VPS13A: variants seen among roughly 807,000 people sequenced by gnomAD.
VPS13A encodes intermembrane lipid transfer protein VPS13A.
VPS13A carries 264 observed loss-of-function variants against 390.9 expected under a neutral mutation model. That is an observed-to-expected ratio of 0.68 (90% CI 0.61 to 0.75). The LOEUF (loss-of-function observed/expected upper bound fraction) is 0.75, where lower values mean the gene tolerates loss of function less well. Ranked by LOEUF, VPS13A falls within the 30% of genes least tolerant of loss-of-function variation. VPS13A has a pLI of 0.00. For synonymous variants in VPS13A, 1,231 were observed against 1,227.1 expected, an observed-to-expected ratio of 1.00 and a Z score of -0.07; for missense variants, 3,409 against 3,733.9, an observed-to-expected ratio of 0.91 and a Z score of 2.27.
intron 71 of VPS13A, among the ~76,000 whole-genome samples, chr9:77,408,169 T>G (rs1381004554): frequency 6.6e-6 from 1 of 152,222 alleles, no homozygotes. Flanking sequence ...ACTTTAGGGA[T>G]TATGGCAATC....
At chr9:77,290,015 C>T (rs779991503) in intron 31 of VPS13A, among the ~76,000 whole-genome samples, 6 of 152,146 alleles carry the variant, frequency 3.9e-5, no homozygotes, top group Admixed American at 1.3e-4. Flanking sequence ...TCTTTGACCT[C>T]AGGTGATTCA....
At chr9:77,184,146 A>T (rs1005477894) in intron 1 of VPS13A, among the ~76,000 whole-genome samples, 2 of 152,176 alleles carry the variant, frequency 1.3e-5, no homozygotes, top group Non-Finnish European at 2.9e-5. Flanking sequence ...ATACATACAC[A>T]CATGTAACTC....
At chr9:77,382,393 C>T in intron 68 of VPS13A, 1 of 1,456,518 alleles carries the variant, frequency 6.9e-7, no homozygotes, top group South Asian at 1.5e-5. Context: ...ATTTTGAATA[C>T]AAAGAAAACC....
intron 5 of VPS13A, 139 bp downstream of exon 5, chr9:77,206,218 T>C: frequency 1.4e-6 from 1 of 700,556 alleles, no homozygotes; most frequent in Non-Finnish European, 2.4e-6. Flanking sequence ...ATGGGGAATT[T>C]TAATGTGGTT....
intron 54 of VPS13A, among the ~76,000 whole-genome samples, chr9:77,354,145 AAC>A (rs575597535): frequency 1.0e-3 from 158 of 152,178 alleles, no homozygotes; most frequent in African/African-American, 3.8e-3. Flanking sequence ...CCTATTCATA[AAC>A]AGTTGTTTTA....
intron 23 of VPS13A, among the ~76,000 whole-genome samples, chr9:77,266,897 T>G (rs1457288252): frequency 6.6e-6 from 1 of 152,106 alleles, no homozygotes; most frequent in East Asian, 1.9e-4. Flanking sequence ...TCTTCATGCT[T>G]TATTTCACTA....
At position 77,186,777 on chromosome 9, in the gene VPS13A, C is replaced by T. The variant is rs541390831; in HGVS notation, c.100+8973C>T. Among the ~76,000 whole-genome samples, 3 of 152,234 alleles carry T rather than the reference C, an allele frequency of 2.0e-5. No individual in the cohort carries two copies. The East Asian group carries it at 5.8e-4, about 29-fold the overall frequency. On this transcript the variant is annotated intron_variant, in intron 1 of 71. Coordinates refer to ENST00000360280, the MANE Select transcript of VPS13A (RefSeq NM_033305.3). ...AGTGTACACTTCATGTCATTAAGTA[C>T]ACTTACATTGTGCAACCATCACCAC...
intron 35 of VPS13A, 117 bp downstream of exon 35, chr9:77,308,215 T>C: frequency 8.8e-7 from 1 of 1,133,134 alleles, no homozygotes; most frequent in Non-Finnish European, 1.3e-6. Flanking sequence ...TCTCCCTCCT[T>C]TCCTTCTTTC....
intron 27 of VPS13A, among the ~76,000 whole-genome samples, chr9:77,281,081 C>T (rs994269795): frequency 2.0e-5 from 3 of 151,602 alleles, no homozygotes; most frequent in Admixed American, 1.3e-4. Flanking sequence ...TCTAATAAAA[C>T]TGAACTTATA....
chr9:77,204,759 G>A (rs1825539698), intron 3 of VPS13A, among the ~76,000 whole-genome samples: 1 of 151,956 alleles, frequency 6.6e-6, no homozygotes, highest in South Asian at 2.1e-4. Flanking sequence ...CAGGTAGCTG[G>A]GACTACAGGC....
chr9:77,351,057 A>G (rs953290642), intron 52 of VPS13A: 4 of 363,030 alleles, frequency 1.1e-5, no homozygotes, highest in African/African-American at 4.2e-5. Flanking sequence ...TTTGTATTAA[A>G]AAATTGACAA....
intron 7 of VPS13A, among the ~76,000 whole-genome samples, chr9:77,212,506 A>T (rs990808296): frequency 6.6e-6 from 1 of 151,782 alleles, no homozygotes; most frequent in Non-Finnish European, 1.5e-5. Flanking sequence ...ATGAGAGGGC[A>T]TTTTTTTTGT....
intron 68 of VPS13A, among the ~76,000 whole-genome samples, chr9:77,399,167 T>TAATAAAAAAAAAAAAAAAAAAA (rs1834246185): frequency 1.2e-5 from 1 of 86,060 alleles, no homozygotes; most frequent in Non-Finnish European, 2.5e-5. Context: ...TAGAGTATAA[T>TAATAAAAAAAAAAAAAAAAAAA]AAAAAAAAAA....
intron 46 of VPS13A, among the ~76,000 whole-genome samples, chr9:77,333,028 T>C (rs1020274149): frequency 6.6e-6 from 1 of 152,132 alleles, no homozygotes; most frequent in Admixed American, 6.5e-5. Context: ...AGGGAAAGAA[T>C]TGTATTGTTG....
intron 68 of VPS13A, among the ~76,000 whole-genome samples, chr9:77,386,051 T>C (rs556890509): frequency 6.6e-6 from 1 of 152,310 alleles, no homozygotes; most frequent in African/African-American, 2.4e-5. Flanking sequence ...TAAAGTTGTT[T>C]TAAAAAACTG....
chr9:77,276,663 T>A (rs1416601171), intron 26 of VPS13A, among the ~76,000 whole-genome samples: 1 of 152,204 alleles, frequency 6.6e-6, no homozygotes, highest in East Asian at 1.9e-4. Flanking sequence ...TCCATTTCAT[T>A]GTTCAGTCAG....
At chr9:77,388,293 C>T (rs548800182) in intron 68 of VPS13A, among the ~76,000 whole-genome samples, 1 of 152,194 alleles carries the variant, frequency 6.6e-6, no homozygotes, top group East Asian at 1.9e-4. Context: ...ACAGTGAGTA[C>T]AGCCAGCATT....
Position 77,228,187 on chromosome 9 carries a change from A to G in VPS13A, c.1518A>G (p.Gln506=). The part of the protein sequence containing the change: ...SMSIVLRENH[Q]KPELVDIVIE... ...CTATTGTTCTAAGAGAAAATCATCA[A>G]AAACCTGAGCTGGTAGATATTGTAA... Residue 506 remains glutamine (Q), a synonymous_variant, in exon 17 of 72, where the codon CAA becomes CAG. Transcript: ENST00000360280. 3.1e-6 allele frequency: 5 copies of G among 1,603,892 alleles called. No individual in the cohort carries two copies. Among genetic ancestry groups the G allele is most frequent in the Non-Finnish European group, 4.3e-6 (5 of 1,174,756 alleles).
chr9:77,211,799 A>G (rs1463662186), intron 7 of VPS13A, among the ~76,000 whole-genome samples: 1 of 152,204 alleles, frequency 6.6e-6, no homozygotes, highest in Non-Finnish European at 1.5e-5. Flanking sequence ...TAGAAACTCT[A>G]GGATTTGGTT....
Sources: allele counts gnomAD v4.1 joint callset (sites outside exome capture counted in the v4.1 genomes callset), GRCh38; gene constraint gnomAD v4.1.1; transcripts MANE v1.5; gene names NCBI Gene and HGNC (gene_info 2026-07-23, HGNC 2026-07-21).